The following SETD3 variants were observed in gnomAD, a reference collection of about 807,000 sequenced individuals.
SETD3 encodes the protein actin-histidine N-methyltransferase.
SETD3 carries 19 observed loss-of-function variants against 63.0 expected under a neutral mutation model. The ratio of observed to expected loss-of-function variants is 0.30; its 90% CI spans 0.21 to 0.44. SETD3 has a LOEUF of 0.44. Ranked by LOEUF, SETD3 falls within the 20% of genes least tolerant of loss-of-function variation. The pLI, the probability that SETD3 is intolerant of heterozygous loss-of-function variation, is 1.00. For missense variants in SETD3, 587 were observed against 728.5 expected, an observed-to-expected ratio of 0.81 and a Z score of 2.24; for synonymous variants, 286 against 264.1, an observed-to-expected ratio of 1.08 and a Z score of -0.80.
chr14:99,407,458 CA>C (rs1891745055), intron 8 of SETD3, among the ~76,000 whole-genome samples: 1 of 152,194 alleles, frequency 6.6e-6, no homozygotes, highest in South Asian at 2.1e-4. Context: ...AAAAACCTTC[CA>C]ACTCTTGGAA....
upstream of SETD3, chr14:99,481,295 G>A (rs1207696183): frequency 5.1e-6 from 2 of 395,750 alleles, no homozygotes; most frequent in African/African-American, 2.1e-5. Context: ...GCGGCGGCTC[G>A]TTCCTCTTTT....
At chr14:99,444,804 C>A (rs80122368) in intron 6 of SETD3, among the ~76,000 whole-genome samples, 5,102 of 150,246 alleles carry the variant, frequency 0.034, 144 homozygotes, top group South Asian at 0.095. Context: ...CACTGCACAC[C>A]AGCCTGGGTA....
intron 6 of SETD3, among the ~76,000 whole-genome samples, chr14:99,453,696 G>A (rs1234513172): frequency 6.6e-6 from 1 of 151,936 alleles, no homozygotes; most frequent in Non-Finnish European, 1.5e-5. Context: ...CGTGGTGGTG[G>A]GCACCTGTTA....
intron 8 of SETD3, among the ~76,000 whole-genome samples, chr14:99,410,925 G>A (rs1215479660): frequency 6.6e-6 from 1 of 152,202 alleles, no homozygotes; most frequent in African/African-American, 2.4e-5. Flanking sequence ...ACAATAAGAA[G>A]ATGATCGTCA....
intron 1 of SETD3, among the ~76,000 whole-genome samples, chr14:99,467,627 A>C (rs1895461402): frequency 6.6e-6 from 1 of 152,234 alleles, no homozygotes; most frequent in Admixed American, 6.5e-5. Context: ...GGAGACGCAG[A>C]AGCATCCTGT....
At chr14:99,473,792 A>G (rs1895827138) in intron 1 of SETD3, among the ~76,000 whole-genome samples, 1 of 152,248 alleles carries the variant, frequency 6.6e-6, no homozygotes, top group South Asian at 2.1e-4. Context: ...AAATTACAGG[A>G]TGACGAGTTA....
chr14:99,434,847 CAAAAAAAAAA>C (rs71110599), intron 6 of SETD3, among the ~76,000 whole-genome samples: 1 of 30,396 alleles, frequency 3.3e-5, no homozygotes, highest in African/African-American at 1.3e-4. Context: ...AACTCTGCCT[CAAAAAAAAAA>C]AAAAAAAAAA....
chr14:99,458,827 G>A (rs1201103720), intron 5 of SETD3, among the ~76,000 whole-genome samples: 1 of 151,200 alleles, frequency 6.6e-6, no homozygotes, highest in Non-Finnish European at 1.5e-5. Flanking sequence ...ACACCTGTGG[G>A]AGAATCATTT....
chr14:99,484,056 A>C (rs1242473783), upstream of SETD3, among the ~76,000 whole-genome samples: 1 of 152,236 alleles, frequency 6.6e-6, no homozygotes, highest in Non-Finnish European at 1.5e-5. Flanking sequence ...AAAATAAATA[A>C]ATTTACTTGG....
chr14:99,412,853 G>C (rs749450233), intron 8 of SETD3, 98 bp downstream of exon 8: 49 of 835,672 alleles, frequency 5.9e-5, no homozygotes, highest in South Asian at 1.4e-4. Context: ...GGAGGCAACG[G>C]GGGGAGTACG....
At chr14:99,455,886 G>A (rs188500518) in intron 6 of SETD3, among the ~76,000 whole-genome samples, 50 of 152,352 alleles carry the variant, frequency 3.3e-4, no homozygotes, top group East Asian at 2.1e-3. Context: ...TGAGCGAGGC[G>A]GTTCACGCCT....
Position 99,463,475 on chromosome 14 carries a change from A to G in SETD3, c.196+11T>C. 2 of 1,602,588 alleles carry G rather than the reference A, an allele frequency of 1.2e-6. No individual in the cohort carries two copies. Among genetic ancestry groups the G allele is most frequent in the Non-Finnish European group, 1.7e-6 (2 of 1,170,734 alleles). ...ATTATTAAAATACAGTTATCATTCT[A>G]GCAATTTTACCTTTTTGCTTTTTCC... On this transcript the variant is annotated intron_variant, in intron 3 of 12. Coordinates refer to ENST00000331768, the MANE Select transcript of SETD3 (RefSeq NM_032233.3).
At chr14:99,442,206 A>C (rs1293070991) in intron 6 of SETD3, among the ~76,000 whole-genome samples, 1 of 152,210 alleles carries the variant, frequency 6.6e-6, no homozygotes, top group Non-Finnish European at 1.5e-5. Flanking sequence ...AAATAAAAGT[A>C]ATCATACCTT....
At chr14:99,461,062 C>T in intron 4 of SETD3, 130 bp downstream of exon 4, 2 of 1,093,222 alleles carry the variant, frequency 1.8e-6, no homozygotes, top group Middle Eastern at 4.2e-4. Context: ...CCCTTCCAGG[C>T]TGCCTATCTG....
At chr14:99,400,384 A>G in intron 11 of SETD3, 125 bp from the exon 12 acceptor site, 5 of 1,027,020 alleles carry the variant, frequency 4.9e-6, no homozygotes, top group Non-Finnish European at 7.1e-6. Flanking sequence ...AGCTGTCCCT[A>G]CGCAATGGGC....
At chr14:99,400,055 AACAAC>A in intron 12 of SETD3, 39 bp downstream of exon 12, 3 of 1,536,040 alleles carry the variant, frequency 2.0e-6, no homozygotes, top group Non-Finnish European at 2.6e-6. Context: ...TAAACATCTT[AACAAC>A]ACAACAAGTT....
At chr14:99,403,842 C>G (rs562610080) in intron 11 of SETD3, among the ~76,000 whole-genome samples, 1 of 152,316 alleles carries the variant, frequency 6.6e-6, no homozygotes, top group East Asian at 1.9e-4. Context: ...GCTGACTACA[C>G]AACATCACAG....
chr14:99,444,600 T>C (rs1377266401), intron 6 of SETD3, among the ~76,000 whole-genome samples: 1 of 152,222 alleles, frequency 6.6e-6, no homozygotes, highest in Non-Finnish European at 1.5e-5. Context: ...GGTTCACACC[T>C]GTAATCCCTG....
At chr14:99,424,380 G>A (rs987568356) in intron 6 of SETD3, among the ~76,000 whole-genome samples, 1 of 152,140 alleles carries the variant, frequency 6.6e-6, no homozygotes, top group Admixed American at 6.5e-5. Context: ...GGACTGGGCA[G>A]GGAAAGAAGC....
Sources: allele counts gnomAD v4.1 joint callset (sites outside exome capture counted in the v4.1 genomes callset), GRCh38; gene constraint gnomAD v4.1.1; transcripts MANE v1.5; gene names NCBI Gene and HGNC (gene_info 2026-07-23, HGNC 2026-07-21).